Variants in ADAMTS16 observed in about 807,000 individuals in gnomAD.
ADAMTS16 encodes A disintegrin and metalloproteinase with thrombospondin motifs 16.
Under a neutral mutation model 145.8 loss-of-function variants are expected in ADAMTS16, and 94 were observed. That is an observed-to-expected ratio of 0.64 (90% CI 0.55 to 0.77). The LOEUF (loss-of-function observed/expected upper bound fraction) is 0.77, where lower values mean the gene tolerates loss of function less well. ADAMTS16 is among the 30% of genes least tolerant of loss of function. The pLI, the probability that ADAMTS16 is intolerant of heterozygous loss-of-function variation, is 0.00. For missense variants in ADAMTS16, 1,585 were observed against 1,591.5 expected, an observed-to-expected ratio of 1.00 and a Z score of 0.07; for synonymous variants, 659 against 604.3, an observed-to-expected ratio of 1.09 and a Z score of -1.33.
At position 5,293,822 on chromosome 5, in the gene ADAMTS16, G is replaced by A. The variant is rs193001211; in HGVS notation, c.2790-9446G>A. Among the ~76,000 whole-genome samples the A allele has an allele frequency of 3.1e-3, 476 of 152,358 alleles. 1 individual carries two copies. Among genetic ancestry groups the A allele is most frequent in the African/African-American group, 0.011 (460 of 41,596 alleles). Reference sequence around the variant, plus strand: ...ACCAAATGAACCGTTAGGTCTGGACGTAAAGGAAGCAACACCAGAGATTTG... The same window carrying A: ...ACCAAATGAACCGTTAGGTCTGGACATAAAGGAAGCAACACCAGAGATTTG... On this transcript the variant is annotated intron_variant, in intron 18 of 22. Coordinates refer to ENST00000274181, the MANE Select transcript of ADAMTS16 (RefSeq NM_139056.4).
At chr5:5,233,789 C>T (rs1286690521) in intron 12 of ADAMTS16, among the ~76,000 whole-genome samples, 1 of 152,132 alleles carries the variant, frequency 6.6e-6, no homozygotes, top group Non-Finnish European at 1.5e-5. Flanking sequence ...TGTGAAGGTG[C>T]TGCACAATGA....
chr5:5,289,217 A>C (rs949142219), intron 18 of ADAMTS16, among the ~76,000 whole-genome samples: 1 of 152,130 alleles, frequency 6.6e-6, no homozygotes, highest in Non-Finnish European at 1.5e-5. Flanking sequence ...AAAAAAGCTT[A>C]GTGCCCTGCC....
In ADAMTS16 at chr5:5,146,115, C is replaced by T. The variant is rs1489719786; in HGVS notation, c.176-15C>T. ...TCCGAAATGACTCAGCCTCTGCTCA[C>T]TCTTTTGATTTCAGAATATGACCTG... is the stretch of plus-strand genomic sequence containing the variant. On this transcript the variant is annotated splice_polypyrimidine_tract_variant and intron_variant, in intron 2 of 22. Transcript: ENST00000274181. 1.2e-6 allele frequency: 2 copies of T among 1,606,092 alleles called. No individual in the cohort carries two copies. The highest frequency in any genetic ancestry group is 1.7e-6 in the Non-Finnish European group (2 of 1,173,450).
intron 12 of ADAMTS16, among the ~76,000 whole-genome samples, chr5:5,233,244 G>C (rs1249312824): frequency 6.6e-6 from 1 of 152,198 alleles, no homozygotes; most frequent in Non-Finnish European, 1.5e-5. Context: ...CTTCACAACA[G>C]GAGGTTTAAC....
At position 5,294,213 on chromosome 5, in the gene ADAMTS16, C is replaced by G. The variant is rs560061361; in HGVS notation, c.2790-9055C>G. On this transcript the variant is annotated intron_variant, in intron 18 of 22. Transcript: ENST00000274181. ...ATTGGAGTTCTGCAAAGAACCAGAA[C>G]CAATTATATGCGGATGTGCCTGTGT... Among the ~76,000 whole-genome samples the G allele has an allele frequency of 2.0e-5, 3 of 152,270 alleles. No individual in the cohort carries two copies. In the East Asian group the frequency reaches 5.8e-4, roughly 29 times the overall value.
rs1160608594 is a variant in ADAMTS16, at chr5:5,179,749, G to A, written c.502-2295G>A. ...CCTCAATCCTGGGCATAAATTCTAA[G>A]AATTTCACTTTCCCATGGCTGTGTG... is the stretch of plus-strand genomic sequence containing the variant. On this transcript the variant is annotated intron_variant, in intron 3 of 22. Coordinates refer to ENST00000274181, the MANE Select transcript of ADAMTS16 (RefSeq NM_139056.4). 4.6e-5 allele frequency among the ~76,000 whole-genome samples: 7 copies of A among 152,130 alleles called. 1 individual carries two copies. The highest frequency in any genetic ancestry group is 4.6e-4 in the Admixed American group (7 of 15,278).
intron 7 of ADAMTS16, among the ~76,000 whole-genome samples, chr5:5,190,969 G>A (rs912206711): frequency 2.1e-5 from 3 of 145,594 alleles, no homozygotes; most frequent in Admixed American, 1.3e-4. Context: ...CAAACTTTAG[G>A]CAGTGGGTGC....
At chr5:5,265,806 C>T (rs1054818846) in intron 18 of ADAMTS16, among the ~76,000 whole-genome samples, 1 of 152,128 alleles carries the variant, frequency 6.6e-6, no homozygotes, top group Non-Finnish European at 1.5e-5. Context: ...ATCACTGTAA[C>T]CTTGATTGAA....
intron 17 of ADAMTS16, among the ~76,000 whole-genome samples, chr5:5,260,448 G>A (rs578217600): frequency 6.6e-6 from 1 of 152,208 alleles, no homozygotes; most frequent in Non-Finnish European, 1.5e-5. Context: ...TAAAATCAGA[G>A]AAATAATTGC....
At chr5:5,198,815 C>T (rs529670043) in intron 8 of ADAMTS16, among the ~76,000 whole-genome samples, 53 of 152,328 alleles carry the variant, frequency 3.5e-4, no homozygotes, top group African/African-American at 1.2e-3. Context: ...CTTTCCCCTA[C>T]ACTGGTGTCT....
At chr5:5,254,530 C>G (rs1034729158) in intron 17 of ADAMTS16, among the ~76,000 whole-genome samples, 1 of 152,034 alleles carries the variant, frequency 6.6e-6, no homozygotes, top group African/African-American at 2.4e-5. Context: ...AACACACAAA[C>G]TCATACAAAT....
chr5:5,242,262 C>T, intron 17 of ADAMTS16, 71 bp downstream of exon 17: 1 of 1,564,172 alleles, frequency 6.4e-7, no homozygotes, highest in East Asian at 2.3e-5. Context: ...TTGCACTGGC[C>T]TTTCTTGAAT....
chr5:5,232,603 T>C (rs1224193835), intron 12 of ADAMTS16, 87 bp downstream of exon 12: 18 of 293,580 alleles, frequency 6.1e-5, no homozygotes, highest in Admixed American at 2.1e-4. Context: ...CTCAGCTCTT[T>C]TTTTTTTTTT....
At chr5:5,179,793 G>A (rs558685829) in intron 3 of ADAMTS16, among the ~76,000 whole-genome samples, 40 of 152,234 alleles carry the variant, frequency 2.6e-4, no homozygotes, top group African/African-American at 4.6e-4. Flanking sequence ...GCCCCAGGAG[G>A]TCTACCCCCC....
chr5:5,242,332 G>C, intron 17 of ADAMTS16, 141 bp downstream of exon 17: 1 of 1,205,448 alleles, frequency 8.3e-7, no homozygotes, highest in Admixed American at 3.0e-5. Context: ...AAGGTGGGGA[G>C]TGGTGGTCCT....
chr5:5,238,072 T>C (rs1737165370), intron 14 of ADAMTS16, among the ~76,000 whole-genome samples: 1 of 152,210 alleles, frequency 6.6e-6, no homozygotes, highest in South Asian at 2.1e-4. Context: ...CTTAGTGTAA[T>C]CATTTTGAAT....
At chr5:5,216,310 T>C (rs907171596) in intron 10 of ADAMTS16, among the ~76,000 whole-genome samples, 8 of 152,192 alleles carry the variant, frequency 5.3e-5, no homozygotes, top group Non-Finnish European at 7.3e-5. Flanking sequence ...TGAGCAGTTT[T>C]TCATATGTTT....
At chr5:5,159,504 C>A (rs188756763) in intron 3 of ADAMTS16, among the ~76,000 whole-genome samples, 1 of 152,106 alleles carries the variant, frequency 6.6e-6, no homozygotes, top group Non-Finnish European at 1.5e-5. Context: ...CAGTCCCCGC[C>A]GCCCCCACTC....
intron 3 of ADAMTS16, among the ~76,000 whole-genome samples, chr5:5,177,724 T>C (rs1051354845): frequency 3.9e-5 from 6 of 152,172 alleles, no homozygotes; most frequent in Non-Finnish European, 5.9e-5. Context: ...CTAGAATGAA[T>C]AGAATATTCC....
Sources: gnomAD v4.1 joint callset for allele counts (sites outside exome capture counted in the v4.1 genomes callset) on GRCh38, gnomAD v4.1.1 for gene constraint, MANE v1.5 for transcripts, NCBI Gene and HGNC (gene_info 2026-07-23, HGNC 2026-07-21) for gene names.